Variants in ATRNL1 observed in about 807,000 individuals in gnomAD.
ATRNL1 encodes attractin like 1, also known as attractin-like protein 1.
Under a neutral mutation model 182.7 loss-of-function variants are expected in ATRNL1, and 95 were observed. The observed-to-expected ratio is 0.52, with a 90% confidence interval of 0.44 to 0.62. ATRNL1 has a LOEUF of 0.62. Among genes scored for constraint, ATRNL1 ranks in the 20% least tolerant of loss-of-function variants. The pLI, the probability that ATRNL1 is intolerant of heterozygous loss-of-function variation, is 0.00. For missense variants in ATRNL1, 1,471 were observed against 1,679.5 expected, an observed-to-expected ratio of 0.88 and a Z score of 2.17; for synonymous variants, 576 against 568.3, an observed-to-expected ratio of 1.01 and a Z score of -0.19.
At chr10:115,539,005 C>T (rs1281466188) in intron 25 of ATRNL1, among the ~76,000 whole-genome samples, 1 of 152,134 alleles carries the variant, frequency 6.6e-6, no homozygotes, top group African/African-American at 2.4e-5. Flanking sequence ...ATAGGCTATA[C>T]CAATGGCTTT....
intron 26 of ATRNL1, among the ~76,000 whole-genome samples, chr10:115,625,432 G>C (rs1401073556): frequency 1.3e-5 from 2 of 151,968 alleles, no homozygotes; most frequent in African/African-American, 4.8e-5. Flanking sequence ...TTAATTTCTT[G>C]GCATAGTTGC....
chr10:115,787,079 T>C (rs946697076), intron 27 of ATRNL1, among the ~76,000 whole-genome samples: 4 of 152,226 alleles, frequency 2.6e-5, no homozygotes, highest in Non-Finnish European at 5.9e-5. Flanking sequence ...ATTCTGTGAA[T>C]TGATATTTAA....
Position 115,296,004 on chromosome 10 carries a change from G to A in ATRNL1, c.2416-4030G>A, listed in dbSNP as rs80040905. Among the ~76,000 whole-genome samples, 979 of 152,274 alleles carry A rather than the reference G, an allele frequency of 6.4e-3. 5 individuals are homozygous for A. The highest frequency in any genetic ancestry group is 9.1e-3 in the Non-Finnish European group (621 of 68,010). ...CAAGGGCTTGAGTAGGGAATGAGAA[G>A]TGCACACCTTGTATTCTTAATTGAG... On this transcript the variant is annotated intron_variant, in intron 15 of 28. Coordinates refer to ENST00000355044, the MANE Select transcript of ATRNL1 (RefSeq NM_207303.4).
intron 1 of ATRNL1, among the ~76,000 whole-genome samples, chr10:115,107,771 G>T (rs1844080080): frequency 1.3e-5 from 2 of 152,240 alleles, no homozygotes; most frequent in Non-Finnish European, 2.9e-5. Flanking sequence ...TACCACCAAG[G>T]TTTATTTCCT....
chr10:115,591,456 T>C (rs186753861), intron 26 of ATRNL1, among the ~76,000 whole-genome samples: 373 of 152,330 alleles, frequency 2.4e-3, no homozygotes, highest in Non-Finnish European at 4.0e-3. Context: ...GAGAGGTCTC[T>C]ACTTCACCAC....
At chr10:115,178,739 A>G (rs192034992) in intron 8 of ATRNL1, among the ~76,000 whole-genome samples, 23 of 152,244 alleles carry the variant, frequency 1.5e-4, no homozygotes, top group Non-Finnish European at 2.5e-4. Context: ...ATGTGAGGAC[A>G]CAGCATTCTT....
In ATRNL1 at chr10:115,270,058, G is replaced by A. The variant is rs184132321; in HGVS notation, c.2100+1614G>A. Among the ~76,000 whole-genome samples, 985 of 151,568 alleles carry A rather than the reference G, an allele frequency of 6.5e-3. 11 individuals carry two copies. The highest frequency in any genetic ancestry group is 0.022 in the African/African-American group (931 of 41,418). ...TTTAACATTAATATAACATGGTTAT[G>A]CTTTGAAAATTTAAATTACGTTTGA... On this transcript the variant is annotated intron_variant, in intron 13 of 28. Transcript: ENST00000355044.
chr10:115,894,962 G>A (rs1436510607), intron 28 of ATRNL1, among the ~76,000 whole-genome samples: 2 of 152,160 alleles, frequency 1.3e-5, no homozygotes, highest in African/African-American at 4.8e-5. Flanking sequence ...CAAGCTGTGT[G>A]TGGTAATTCT....
At chr10:115,184,131 A>G (rs554174147) in intron 8 of ATRNL1, among the ~76,000 whole-genome samples, 14 of 151,620 alleles carry the variant, frequency 9.2e-5, no homozygotes, top group African/African-American at 3.4e-4. Flanking sequence ...AAAACTCACT[A>G]TATTAGTAGG....
At chr10:115,543,103 C>T (rs782147421) in intron 25 of ATRNL1, among the ~76,000 whole-genome samples, 8 of 152,100 alleles carry the variant, frequency 5.3e-5, no homozygotes, top group Non-Finnish European at 1.0e-4. Context: ...ATGTAGATCT[C>T]TTCTTTATAC....
At chr10:115,801,568 T>A (rs1206627910) in intron 27 of ATRNL1, among the ~76,000 whole-genome samples, 2 of 152,148 alleles carry the variant, frequency 1.3e-5, no homozygotes, top group African/African-American at 4.8e-5. Context: ...ACCCTGTAAG[T>A]ATTTAACTTG....
chr10:115,452,718 G>T (rs1470877570), intron 21 of ATRNL1, among the ~76,000 whole-genome samples: 3 of 152,010 alleles, frequency 2.0e-5, no homozygotes, highest in African/African-American at 4.8e-5. Context: ...GACCTAACTT[G>T]TTAGCAAATT....
At chr10:115,580,048 T>C (rs1458142441) in intron 26 of ATRNL1, among the ~76,000 whole-genome samples, 2 of 152,094 alleles carry the variant, frequency 1.3e-5, no homozygotes, top group Admixed American at 6.6e-5. Context: ...TACAACTTCT[T>C]ATATTGCAGA....
intron 25 of ATRNL1, among the ~76,000 whole-genome samples, chr10:115,548,771 G>T (rs1852808078): frequency 6.6e-6 from 1 of 152,058 alleles, no homozygotes. Flanking sequence ...ATATGCCAGG[G>T]TTTCTCAGCC....
chr10:115,124,583 T>TC (rs1554872795), intron 3 of ATRNL1, among the ~76,000 whole-genome samples: 1 of 152,100 alleles, frequency 6.6e-6, no homozygotes, highest in East Asian at 1.9e-4. Context: ...CTCCAGCCCC[T>TC]CCCATCCCCT....
intron 21 of ATRNL1, among the ~76,000 whole-genome samples, chr10:115,454,438 A>C (rs1847429401): frequency 6.6e-6 from 1 of 152,058 alleles, no homozygotes; most frequent in African/African-American, 2.4e-5. Context: ...TTTATGTAAA[A>C]AAAGGCACTG....
rs145884488 is a variant in ATRNL1, at chr10:115,842,958, A to C, written c.3904-4919A>C. ...AAGCTTAGCATAGCACTTGGCATCTAGTAAGTACTCAGTAAATGTTACATA... is the reference window on the plus strand; with the variant it reads ...AAGCTTAGCATAGCACTTGGCATCTCGTAAGTACTCAGTAAATGTTACATA... On this transcript the variant is annotated intron_variant, in intron 27 of 28. Transcript: ENST00000355044. 1.7e-4 allele frequency among the ~76,000 whole-genome samples: 26 copies of C among 152,180 alleles called. No individual in the cohort carries two copies. In the East Asian group the frequency reaches 4.6e-3, roughly 27 times the overall value.
At chr10:115,256,353 G>C (rs1270016148) in intron 10 of ATRNL1, among the ~76,000 whole-genome samples, 1 of 151,710 alleles carries the variant, frequency 6.6e-6, no homozygotes, top group Non-Finnish European at 1.5e-5. Context: ...ACTTCTTCCT[G>C]GTTTAGTCTC....
At chr10:115,543,442 C>T (rs1852474474) in intron 25 of ATRNL1, among the ~76,000 whole-genome samples, 2 of 152,108 alleles carry the variant, frequency 1.3e-5, no homozygotes, top group Non-Finnish European at 2.9e-5. Flanking sequence ...TGTGGAATAA[C>T]AGTTATTAGG....
Sources: allele counts gnomAD v4.1 joint callset (sites outside exome capture counted in the v4.1 genomes callset), GRCh38; gene constraint gnomAD v4.1.1; transcripts MANE v1.5; gene names NCBI Gene and HGNC (gene_info 2026-07-23, HGNC 2026-07-21).